CAMKMT: variants seen among roughly 807,000 people sequenced by gnomAD.
The protein encoded by CAMKMT is calmodulin-lysine N-methyltransferase, also known as CaM KMT.
CAMKMT carries 53 observed loss-of-function variants against 48.0 expected under a neutral mutation model. The observed-to-expected ratio is 1.10, with a 90% CI of 0.89 to 1.39. CAMKMT has a LOEUF of 1.39. Among genes scored for constraint, CAMKMT ranks in the 40% most tolerant of loss-of-function variants. The pLI is 0.00. For synonymous variants in CAMKMT, 165 were observed against 152.3 expected, an observed-to-expected ratio of 1.08 and a Z score of -0.61; for missense variants, 428 against 402.7, an observed-to-expected ratio of 1.06 and a Z score of -0.54.
intron 3 of CAMKMT, among the ~76,000 whole-genome samples, chr2:44,504,025 G>A (rs1670137605): frequency 6.6e-6 from 1 of 150,982 alleles, no homozygotes; most frequent in East Asian, 1.9e-4. Context: ...AACGGGAAGG[G>A]GGAGAGAGAG....
chr2:44,515,964 C>T lies in CAMKMT; in HGVS notation c.376+125659C>T, dbSNP rs193198873. Among the ~76,000 whole-genome samples the T allele has an allele frequency of 5.3e-3, 813 of 152,258 alleles. 4 individuals are homozygous for T. The highest frequency in any genetic ancestry group is 7.7e-3 in the Non-Finnish European group (522 of 68,020). On this transcript the variant is annotated intron_variant, in intron 3 of 10. Coordinates refer to ENST00000378494, the MANE Select transcript of CAMKMT (RefSeq NM_024766.5). Reference sequence around the variant, plus strand: ...GAACAAGTCTAAAGAATGAGAGTCACGGAGAAGCAATTTTCTTTGCATTTT... The same window carrying T: ...GAACAAGTCTAAAGAATGAGAGTCATGGAGAAGCAATTTTCTTTGCATTTT...
intron 1 of CAMKMT, among the ~76,000 whole-genome samples, chr2:44,363,430 G>C (rs1029884306): frequency 1.3e-5 from 2 of 151,340 alleles, no homozygotes; most frequent in East Asian, 3.9e-4. Context: ...AGGCTGGACT[G>C]CAATGGCTGC....
chr2:44,697,696 G>A (rs191703495), intron 3 of CAMKMT, among the ~76,000 whole-genome samples: 33 of 152,160 alleles, frequency 2.2e-4, no homozygotes, highest in Non-Finnish European at 2.2e-4. Flanking sequence ...AACTATTATT[G>A]TAATATTAAA....
rs181864841 is a variant in CAMKMT at position 44,525,036 on chromosome 2, C to T, written c.376+134731C>T. Among the ~76,000 whole-genome samples, 225 of 151,260 alleles carry T rather than the reference C, an allele frequency of 1.5e-3. 1 individual carries two copies. The highest frequency in any genetic ancestry group is 5.3e-3 in the African/African-American group (217 of 41,178). On this transcript the variant is annotated intron_variant, in intron 3 of 10. Coordinates refer to ENST00000378494, the MANE Select transcript of CAMKMT (RefSeq NM_024766.5). ...ATTTTCATTAAATATTCATTTAAAGCCTTTTATTTTATATGAGGATAAGTG... is the reference window on the plus strand; with the variant it reads ...ATTTTCATTAAATATTCATTTAAAGTCTTTTATTTTATATGAGGATAAGTG...
At chr2:44,642,560 T>C (rs974494884) in intron 3 of CAMKMT, among the ~76,000 whole-genome samples, 1 of 152,214 alleles carries the variant, frequency 6.6e-6, no homozygotes, top group Non-Finnish European at 1.5e-5. Flanking sequence ...GCATTCCTTC[T>C]GCTTCTCTGC....
intron 3 of CAMKMT, among the ~76,000 whole-genome samples, chr2:44,666,207 C>T (rs539729849): frequency 1.8e-4 from 27 of 152,226 alleles, no homozygotes; most frequent in Non-Finnish European, 3.1e-4. Context: ...AAAAATTGTT[C>T]GACCTGAATA....
At chr2:44,417,997 G>T (rs1683678649) in intron 3 of CAMKMT, among the ~76,000 whole-genome samples, 1 of 152,084 alleles carries the variant, frequency 6.6e-6, no homozygotes, top group Non-Finnish European at 1.5e-5. Context: ...TTTGAGACCA[G>T]CCTGACCAAC....
chr2:44,425,440 A>G (rs539258985), intron 3 of CAMKMT, among the ~76,000 whole-genome samples: 93 of 152,250 alleles, frequency 6.1e-4, no homozygotes, highest in Middle Eastern at 3.2e-3. Flanking sequence ...AGACAAGGTC[A>G]TTATAGACTG....
At chr2:44,448,951 C>G (rs1199232158) in intron 3 of CAMKMT, among the ~76,000 whole-genome samples, 1 of 152,036 alleles carries the variant, frequency 6.6e-6, no homozygotes, top group African/African-American at 2.4e-5. Flanking sequence ...TCTGTAGAGA[C>G]AGTAGATTAG....
intron 3 of CAMKMT, among the ~76,000 whole-genome samples, chr2:44,431,922 G>A (rs1268342899): frequency 6.6e-6 from 1 of 152,288 alleles, no homozygotes; most frequent in East Asian, 1.9e-4. Flanking sequence ...GAAATGAGCT[G>A]TTAAAAAGGC....
At chr2:44,380,255 C>A (rs761748041) in intron 2 of CAMKMT, among the ~76,000 whole-genome samples, 3 of 151,890 alleles carry the variant, frequency 2.0e-5, no homozygotes, top group Non-Finnish European at 4.4e-5. Flanking sequence ...TGGTTTGGCC[C>A]TGGGGAGAAG....
intron 3 of CAMKMT, among the ~76,000 whole-genome samples, chr2:44,531,081 T>G (rs1176386003): frequency 3.3e-5 from 5 of 152,086 alleles, no homozygotes; most frequent in Admixed American, 2.6e-4. Flanking sequence ...AATCTCATTT[T>G]CTAGTCACAA....
intron 3 of CAMKMT, among the ~76,000 whole-genome samples, chr2:44,694,078 C>T (rs555154541): frequency 1.3e-5 from 2 of 152,096 alleles, no homozygotes; most frequent in Non-Finnish European, 2.9e-5. Context: ...AGCAGTGCTG[C>T]TTGTTGGATG....
intron 3 of CAMKMT, among the ~76,000 whole-genome samples, chr2:44,519,051 A>G (rs1670971122): frequency 6.6e-6 from 1 of 152,230 alleles, no homozygotes; most frequent in South Asian, 2.1e-4. Flanking sequence ...GACCAAATGT[A>G]ATGAAAGTGA....
At chr2:44,728,634 C>T (rs1037873728) in intron 7 of CAMKMT, among the ~76,000 whole-genome samples, 9 of 152,034 alleles carry the variant, frequency 5.9e-5, no homozygotes, top group African/African-American at 1.7e-4. Flanking sequence ...CTTCCTGATT[C>T]GATCTTGGGA....
rs188168709 is a variant in CAMKMT at position 44,451,910 on chromosome 2, C to T, written c.376+61605C>T. ...ATAGCCAATAGCCAAAAACCTTATT[C>T]CATTTTTGAAAAAAAACCTAGATAT... On this transcript the variant is annotated intron_variant, in intron 3 of 10. Coordinates refer to ENST00000378494, the MANE Select transcript of CAMKMT (RefSeq NM_024766.5). Among the ~76,000 whole-genome samples, 544 of 151,370 alleles carry T rather than the reference C, an allele frequency of 3.6e-3. 1 individual carries two copies. The highest frequency in any genetic ancestry group is 5.6e-3 in the Non-Finnish European group (377 of 67,664).
intron 3 of CAMKMT, among the ~76,000 whole-genome samples, chr2:44,463,479 C>T (rs698799): frequency 0.75 from 113,424 of 152,028 alleles, 43,122 homozygotes; most frequent in African/African-American, 0.83. Flanking sequence ...GAGAGGAAAA[C>T]AGAAAAGTGA....
intron 3 of CAMKMT, among the ~76,000 whole-genome samples, chr2:44,537,166 A>G (rs1666820779): frequency 6.6e-6 from 1 of 152,204 alleles, no homozygotes; most frequent in Non-Finnish European, 1.5e-5. Context: ...TACAAATGGG[A>G]CAATATTAAA....
At chr2:44,675,535 T>C (rs894942600) in intron 3 of CAMKMT, among the ~76,000 whole-genome samples, 4 of 152,184 alleles carry the variant, frequency 2.6e-5, no homozygotes, top group African/African-American at 2.4e-5. Flanking sequence ...CTAATATTTA[T>C]TGACATACAA....
Sources: gnomAD v4.1 joint callset for allele counts (sites outside exome capture counted in the v4.1 genomes callset) on GRCh38, gnomAD v4.1.1 for gene constraint, MANE v1.5 for transcripts, NCBI Gene and HGNC (gene_info 2026-07-23, HGNC 2026-07-21) for gene names.